Variants in FUBP1 observed in about 807,000 individuals in gnomAD.
FUBP1 encodes the protein far upstream element-binding protein 1.
Under a neutral mutation model 94.9 loss-of-function variants are expected in FUBP1, and 16 were observed. That is an observed-to-expected ratio of 0.17 (90% CI 0.11 to 0.26). FUBP1 has a LOEUF of 0.26. Ranked by LOEUF, FUBP1 falls within the 10% of genes least tolerant of loss-of-function variation. The pLI, the probability that FUBP1 is intolerant of heterozygous loss-of-function variation, is 1.00. For synonymous variants in FUBP1, 279 were observed against 254.9 expected (o/e 1.09, Z -0.90); for missense variants, 583 against 808.6 (o/e 0.72, Z 3.38).
chr1:77,960,426 G>T lies in FUBP1; in HGVS notation c.1414C>A (p.Pro472Thr). ...PHGVPGPHGP[P>T]GPPGPGTPMG... ...GGAGTTCCAGGCCCTGGAGGCCCAG[G>T]AGGTCCATGGGGGCCTGGGACACCA... The change falls in exon 15 of 20, where the codon CCT (proline) becomes ACT (threonine). Residue 472 changes from proline to threonine, a missense_variant. Coordinates refer to ENST00000370768, the MANE Select transcript of FUBP1 (RefSeq NM_003902.5). 1.3e-6 allele frequency: 2 copies of T among 1,594,378 alleles called. No homozygotes were observed. Among genetic ancestry groups the T allele is most frequent in the South Asian group, 2.3e-5 (2 of 87,894 alleles).
At chr1:77,955,148 G>C in intron 18 of FUBP1, 107 bp downstream of exon 18, 2 of 613,712 alleles carry the variant, frequency 3.3e-6, no homozygotes, top group Non-Finnish European at 5.8e-6. Flanking sequence ...CAACTGTCTT[G>C]ATATGTTTAC....
chr1:77,971,721 A>T (rs1363547108), intron 1 of FUBP1, among the ~76,000 whole-genome samples: 1 of 151,482 alleles, frequency 6.6e-6, no homozygotes, highest in Non-Finnish European at 1.5e-5. Flanking sequence ...AAAAAGGTAC[A>T]CTCTCAGCCG....
At chr1:77,969,280 G>C (rs1278366363) in intron 2 of FUBP1, among the ~76,000 whole-genome samples, 1 of 151,902 alleles carries the variant, frequency 6.6e-6, no homozygotes, top group Middle Eastern at 3.2e-3. Context: ...AGGGTAAAAA[G>C]AAAATGTATC....
chr1:77,977,419 G>A (rs113909807), intron 1 of FUBP1, among the ~76,000 whole-genome samples: 3,454 of 152,218 alleles, frequency 0.023, 141 homozygotes, highest in African/African-American at 0.078. Context: ...CCAGCTACTC[G>A]GGAGGCTGAG....
At position 77,979,050 on chromosome 1, in the gene FUBP1, C is replaced by G; in HGVS notation, c.-46G>C. On this transcript the variant is annotated 5_prime_UTR_variant, in exon 1 of 20. Transcript: ENST00000370768. ...TGCCGCCTGTTCAGAGACTTCCTCT[C>G]AGCTAACAGCTAAGAAAGAAAGAAA... The G allele has an allele frequency of 6.5e-7, 1 of 1,530,076 alleles. No individual in the cohort carries two copies. Among genetic ancestry groups the G allele is most frequent in the African/African-American group, 1.4e-5 (1 of 72,202 alleles). 94.8% of individuals were successfully genotyped at this position (1,530,076 alleles called of 1,614,324 possible). A position where few individuals can be genotyped will look rare whatever the true frequency, so the allele number is the denominator to read the frequency against.
At chr1:77,962,070 A>G (rs1346698227) in intron 14 of FUBP1, among the ~76,000 whole-genome samples, 1 of 152,210 alleles carries the variant, frequency 6.6e-6, no homozygotes, top group East Asian at 1.9e-4. Flanking sequence ...CCCCCTGCAC[A>G]CTTTGTGTTA....
rs1388055035 is a variant in FUBP1, at chr1:77,964,127, T to A, written c.976A>T (p.Thr326Ser). ...GTTPERIAQI[T>S]GPPDRCQHAA... is the part of the protein sequence containing the mutation. ...TGTTGACATCGGTCTGGAGGTCCTGTTATTTGTGCTATCCTTTCGGGTGTT... is the reference window on the plus strand; with the variant it reads ...TGTTGACATCGGTCTGGAGGTCCTGATATTTGTGCTATCCTTTCGGGTGTT... Residue 326 changes from threonine to serine, a missense_variant, in exon 12 of 20, where the codon ACA becomes TCA. Physicochemically the swap from Thr to Ser is moderately conservative, Grantham distance 58. Coordinates refer to ENST00000370768, the MANE Select transcript of FUBP1 (RefSeq NM_003902.5). 6.2e-6 allele frequency: 10 copies of A among 1,609,226 alleles called. No homozygotes were observed. Among genetic ancestry groups the A allele is most frequent in the African/African-American group, 2.7e-5 (2 of 74,836 alleles).
chr1:77,973,012 T>TAA (rs59664058), intron 1 of FUBP1, among the ~76,000 whole-genome samples: 41 of 134,698 alleles, frequency 3.0e-4, no homozygotes, highest in African/African-American at 5.7e-4. Context: ...CTCCATCTCT[T>TAA]AAAAAAAAAA....
rs1655250477 is a variant in FUBP1 at position 77,960,500 on chromosome 1, A to C, written c.1345-5T>G. 3 of 1,563,872 alleles carry C rather than the reference A, an allele frequency of 1.9e-6. No homozygotes were observed. The highest frequency in any genetic ancestry group is 1.4e-5 in the African/African-American group (1 of 72,842). ...CCCTAAAGGATTTACTGGGCCCTACAAAAAAAAGGATGACATAGAAAAATC... is the reference window on the plus strand; with the variant it reads ...CCCTAAAGGATTTACTGGGCCCTACCAAAAAAAGGATGACATAGAAAAATC... On this transcript the variant is annotated splice_polypyrimidine_tract_variant and splice_region_variant and intron_variant, in intron 14 of 19. Coordinates refer to ENST00000370768, the MANE Select transcript of FUBP1 (RefSeq NM_003902.5).
chr1:77,971,540 G>C (rs967624413), intron 1 of FUBP1, among the ~76,000 whole-genome samples: 23 of 152,118 alleles, frequency 1.5e-4, no homozygotes, highest in African/African-American at 2.4e-5. Context: ...TTATAGTTAA[G>C]TGCTTAAGTC....
intron 17 of FUBP1, chr1:77,955,580 C>A: frequency 5.3e-6 from 2 of 373,836 alleles, no homozygotes; most frequent in Non-Finnish European, 9.5e-6. Flanking sequence ...AAATGCATGT[C>A]AAATAAGGAA....
At chr1:77,977,469 T>C (rs892801317) in intron 1 of FUBP1, among the ~76,000 whole-genome samples, 1 of 152,204 alleles carries the variant, frequency 6.6e-6, no homozygotes, top group African/African-American at 2.4e-5. Context: ...GAGGTTGCAG[T>C]GGGACGAGAT....
chr1:77,967,671 CA>C lies in FUBP1; in HGVS notation c.251-6del. On this transcript the variant is annotated splice_polypyrimidine_tract_variant and splice_region_variant and intron_variant, in intron 3 of 19. Coordinates refer to ENST00000370768, the MANE Select transcript of FUBP1 (RefSeq NM_003902.5). ...GTGGTAACTGTGTTCCAAAAGCTAT[CA>C]AAAAATTAAATAAAAATAAAACAAA... is the stretch of plus-strand genomic sequence containing the variant. 6.5e-7 allele frequency: 1 copy of C among 1,537,206 alleles called. No individual in the cohort carries two copies. Among genetic ancestry groups the C allele is most frequent in the Non-Finnish European group, 8.9e-7 (1 of 1,120,192 alleles).
At chr1:77,959,274 G>A (rs905995104) in intron 16 of FUBP1, among the ~76,000 whole-genome samples, 4 of 152,162 alleles carry the variant, frequency 2.6e-5, no homozygotes, top group Non-Finnish European at 4.4e-5. Context: ...TTCAAAGAAT[G>A]ACTCTTTGAC....
chr1:77,965,309 A>T (rs932578009), intron 7 of FUBP1, 78 bp from the exon 8 acceptor site: 37 of 910,288 alleles, frequency 4.1e-5, no homozygotes, highest in Non-Finnish European at 6.2e-5. Flanking sequence ...AAAACAATAT[A>T]ACCAAGTACT....
At chr1:77,978,114 G>T (rs565618269) in intron 1 of FUBP1, among the ~76,000 whole-genome samples, 2 of 152,364 alleles carry the variant, frequency 1.3e-5, no homozygotes, top group South Asian at 4.1e-4. Context: ...ATCTAAGAAT[G>T]TAAAGTTCAA....
intron 17 of FUBP1, among the ~76,000 whole-genome samples, chr1:77,955,695 T>G (rs1654319537): frequency 6.6e-6 from 1 of 152,150 alleles, no homozygotes; most frequent in Non-Finnish European, 1.5e-5. Context: ...ATGAACATAG[T>G]TTTTAAAAAT....
chr1:77,977,948 A>C (rs970278207), intron 1 of FUBP1, among the ~76,000 whole-genome samples: 1 of 152,242 alleles, frequency 6.6e-6, no homozygotes, highest in South Asian at 2.1e-4. Context: ...AACACAGCAC[A>C]ACACTGGTTT....
chr1:77,973,290 G>C (rs960193316), intron 1 of FUBP1, among the ~76,000 whole-genome samples: 1 of 152,136 alleles, frequency 6.6e-6, no homozygotes, highest in Non-Finnish European at 1.5e-5. Context: ...ATGTTACCCA[G>C]ACTAGAGTGC....
Sources: allele counts gnomAD v4.1 joint callset (sites outside exome capture counted in the v4.1 genomes callset), GRCh38; gene constraint gnomAD v4.1.1; transcripts MANE v1.5; gene names NCBI Gene and HGNC (gene_info 2026-07-23, HGNC 2026-07-21).